The following FAM53A variants were observed in gnomAD, a reference collection of about 807,000 sequenced individuals.
The protein encoded by FAM53A is family with sequence similarity 53 member A.
In FAM53A, 28 loss-of-function variants were observed where a neutral mutation model predicts 26.6. That is an observed-to-expected ratio of 1.05 (90% CI 0.78 to 1.45). FAM53A has a LOEUF of 1.45. FAM53A is among the 40% of genes most tolerant of loss of function. FAM53A has a pLI of 0.00. For synonymous variants in FAM53A, 290 were observed against 253.1 expected (o/e 1.15, Z -1.38); for missense variants, 650 against 575.8 (o/e 1.13, Z -1.32).
chr4:1,609,490 C>T, the FAM53A span, among the ~76,000 whole-genome samples: 5 of 152,092 alleles, frequency 3.3e-5, no homozygotes, highest in African/African-American at 1.2e-4. Flanking sequence ...GGTGCACATA[C>T]CCTCATACTG....
At chr4:1,608,628 G>A in the FAM53A span, among the ~76,000 whole-genome samples, 37 of 152,098 alleles carry the variant, frequency 2.4e-4, no homozygotes, top group Non-Finnish European at 1.9e-4. Flanking sequence ...AACCCAAGGA[G>A]GGTCCTGCAG....
the FAM53A span, among the ~76,000 whole-genome samples, chr4:1,583,942 T>G: frequency 6.6e-6 from 1 of 152,240 alleles, no homozygotes; most frequent in Admixed American, 6.5e-5. Context: ...CTGGAGAAGC[T>G]GAACAACCAC....
the FAM53A span, among the ~76,000 whole-genome samples, chr4:1,585,645 C>T: frequency 2.0e-5 from 3 of 152,148 alleles, no homozygotes; most frequent in East Asian, 3.9e-4. Context: ...GAGTGGATCA[C>T]GCAGTATTTG....
At chr4:1,638,930 G>A (rs903129569), downstream of FAM53A, among the ~76,000 whole-genome samples, 14 of 152,218 alleles carry the variant, frequency 9.2e-5, no homozygotes, top group South Asian at 2.1e-4. Context: ...GGGAGGGGAC[G>A]CCGGGTGGAC....
In FAM53A at chr4:1,641,138, G is replaced by C. The variant is rs1393483923; in HGVS notation, c.*155C>G. ...TACTCTGTGCCCCAGGGCAGGTGCCGGCGGCAGCCGTGGCCCCGACCAGCT... is the reference window on the plus strand; with the variant it reads ...TACTCTGTGCCCCAGGGCAGGTGCCCGCGGCAGCCGTGGCCCCGACCAGCT... On this transcript the variant is annotated 3_prime_UTR_variant, in exon 5 of 5. Coordinates refer to ENST00000308132, the MANE Select transcript of FAM53A (RefSeq NM_001174070.3). 1 of 610,952 alleles carries C rather than the reference G, an allele frequency of 1.6e-6. No homozygotes were observed. The highest frequency in any genetic ancestry group is 2.8e-5 in the East Asian group (1 of 35,294). 37.8% of individuals were successfully genotyped at this position (610,952 alleles called of 1,614,324 possible). A position where few individuals can be genotyped will look rare whatever the true frequency, so the allele number is the denominator to read the frequency against.
At chr4:1,643,567 ATT>A (rs71167742) in intron 4 of FAM53A, among the ~76,000 whole-genome samples, 27 of 140,508 alleles carry the variant, frequency 1.9e-4, no homozygotes, top group Admixed American at 3.6e-4. Flanking sequence ...CTAAAGAATA[ATT>A]TTTTTTTTTT....
At chr4:1,574,984 A>T in the FAM53A span, among the ~76,000 whole-genome samples, 27 of 152,334 alleles carry the variant, frequency 1.8e-4, no homozygotes, top group South Asian at 2.3e-3. Context: ...TCCTTCACAG[A>T]AGGTGGCCAC....
downstream of FAM53A, among the ~76,000 whole-genome samples, chr4:1,639,014 C>A (rs78421385): frequency 1.2e-4 from 19 of 152,302 alleles, no homozygotes; most frequent in East Asian, 3.5e-3. Context: ...TTGGTGGGGA[C>A]CTCGGGCCCC....
At chr4:1,644,283 C>T (rs777450681) in intron 4 of FAM53A, 39 of 1,535,894 alleles carry the variant, frequency 2.5e-5, no homozygotes, top group Non-Finnish European at 3.1e-5. Flanking sequence ...CCGACAGATG[C>T]TGTAAGCTCA....
intron 1 of FAM53A, among the ~76,000 whole-genome samples, chr4:1,621,308 G>GTTAGCCGGGATGGTC (rs1715025056): frequency 6.6e-6 from 1 of 152,004 alleles, no homozygotes. Flanking sequence ...GTTTCACCAT[G>GTTAGCCGGGATGGTC]TTAGCCGGGA....
At chr4:1,658,494 C>G (rs1200332946) in intron 2 of FAM53A, among the ~76,000 whole-genome samples, 2 of 152,258 alleles carry the variant, frequency 1.3e-5, no homozygotes, top group African/African-American at 4.8e-5. Context: ...CCTGCAACAG[C>G]TCAGACACGG....
At chr4:1,593,441 C>A in the FAM53A span, among the ~76,000 whole-genome samples, 2 of 152,222 alleles carry the variant, frequency 1.3e-5, no homozygotes, top group South Asian at 2.1e-4. Context: ...CCGGCTCCCC[C>A]CTCGGTAGAT....
At chr4:1,657,735 T>C (rs1465804993) in intron 2 of FAM53A, among the ~76,000 whole-genome samples, 1 of 152,122 alleles carries the variant, frequency 6.6e-6, no homozygotes, top group Non-Finnish European at 1.5e-5. Flanking sequence ...CCTCTCGGGT[T>C]CACGCCATTC....
At chr4:1,645,578 G>A (rs1377454370) in intron 4 of FAM53A, among the ~76,000 whole-genome samples, 2 of 152,182 alleles carry the variant, frequency 1.3e-5, no homozygotes, top group African/African-American at 2.4e-5. Context: ...CAGAAGGAGG[G>A]GACTCTCCGC....
intron 1 of FAM53A, among the ~76,000 whole-genome samples, chr4:1,628,931 G>T (rs2108768662): frequency 6.6e-6 from 1 of 151,958 alleles, no homozygotes; most frequent in Admixed American, 6.5e-5. Flanking sequence ...AGGGGGCCTT[G>T]GAACACCTGA....
chr4:1,618,137 G>C, intron 1 of FAM53A: 1 of 456,318 alleles, frequency 2.2e-6, no homozygotes, highest in South Asian at 1.5e-5. Flanking sequence ...AGGCAGGTGA[G>C]TGCTGCCTCT....
intron 4 of FAM53A, among the ~76,000 whole-genome samples, chr4:1,651,000 C>G (rs1447031262): frequency 6.8e-6 from 1 of 147,416 alleles, no homozygotes; most frequent in Non-Finnish European, 1.5e-5. Flanking sequence ...GGGTGGATCA[C>G]GAGGTGAGGA....
chr4:1,654,815 G>A (rs9647502), intron 4 of FAM53A, among the ~76,000 whole-genome samples, 163 bp downstream of exon 4: 7,818 of 152,280 alleles, frequency 0.051, 272 homozygotes, highest in Non-Finnish European at 0.081. Context: ...GCCCCCGATC[G>A]CTCCCACGCA....
At chr4:1,621,065 C>T (rs1268346373) in intron 1 of FAM53A, among the ~76,000 whole-genome samples, 6 of 147,462 alleles carry the variant, frequency 4.1e-5, no homozygotes, top group Non-Finnish European at 8.9e-5. Flanking sequence ...ACACAAAGAA[C>T]AGGGGACCCT....
Sources: allele counts gnomAD v4.1 joint callset (sites outside exome capture counted in the v4.1 genomes callset), GRCh38; gene constraint gnomAD v4.1.1; transcripts MANE v1.5; gene names NCBI Gene and HGNC (gene_info 2026-07-23, HGNC 2026-07-21).